CAT: variants seen among roughly 807,000 people sequenced by gnomAD.
CAT encodes the protein epididymis secretory sperm binding protein.
In CAT, 43 loss-of-function variants were observed where a neutral mutation model predicts 59.0. The ratio of observed to expected loss-of-function variants is 0.73; its 90% confidence interval spans 0.57 to 0.94. The LOEUF (loss-of-function observed/expected upper bound fraction) is 0.94, where lower values mean the gene tolerates loss of function less well. Ranked by LOEUF, CAT falls within the 40% of genes least tolerant of loss-of-function variation. CAT has a pLI of 0.00. For synonymous variants in CAT, 218 were observed against 230.9 expected, an observed-to-expected ratio of 0.94 and a Z score of 0.51; for missense variants, 664 against 682.9, an observed-to-expected ratio of 0.97 and a Z score of 0.31.
intron 1 of CAT, among the ~76,000 whole-genome samples, chr11:34,445,399 G>A (rs1175300276): frequency 3.4e-5 from 5 of 146,758 alleles, no homozygotes; most frequent in Admixed American, 1.4e-4. Context: ...AGGCTGAGAC[G>A]GGAGAATTGC....
At chr11:34,451,243 T>A in intron 3 of CAT, 145 bp downstream of exon 3, 1 of 712,746 alleles carries the variant, frequency 1.4e-6, no homozygotes, top group East Asian at 2.7e-5. Context: ...GAAGACATAT[T>A]TGGAGACACA....
intron 3 of CAT, 82 bp downstream of exon 3, chr11:34,451,180 A>T: frequency 2.3e-6 from 2 of 876,102 alleles, no homozygotes; most frequent in Non-Finnish European, 3.9e-6. Context: ...AGAAAAAGTT[A>T]TTAGAAAATA....
At chr11:34,466,034 G>T (rs1043013704) in intron 10 of CAT, among the ~76,000 whole-genome samples, 1 of 152,206 alleles carries the variant, frequency 6.6e-6, no homozygotes, top group Non-Finnish European at 1.5e-5. Context: ...AGTCTCATGA[G>T]TCTGAAGGGA....
intron 6 of CAT, among the ~76,000 whole-genome samples, chr11:34,454,504 AT>A: frequency 6.6e-6 from 1 of 152,198 alleles, no homozygotes; most frequent in Non-Finnish European, 1.5e-5. Context: ...CTGTTTCCAA[AT>A]ACTGCTGCTA....
intron 9 of CAT, among the ~76,000 whole-genome samples, chr11:34,462,068 A>G (rs1404940706): frequency 6.6e-6 from 1 of 152,202 alleles, no homozygotes; most frequent in Non-Finnish European, 1.5e-5. Flanking sequence ...TGTCGTATAC[A>G]AACAGCCTCT....
intron 1 of CAT, among the ~76,000 whole-genome samples, chr11:34,441,104 C>T (rs188128948): frequency 6.6e-6 from 1 of 152,322 alleles, no homozygotes; most frequent in East Asian, 1.9e-4. Flanking sequence ...TACTGTTCCT[C>T]AGTTTTAGCT....
At chr11:34,468,619 A>G in intron 11 of CAT, 1 of 595,558 alleles carries the variant, frequency 1.7e-6, no homozygotes, top group East Asian at 2.8e-5. Flanking sequence ...TCCAGTGTGT[A>G]CTAATTTAGT....
Position 34,439,073 on chromosome 11 carries a change from CG to C in CAT, c.61del (p.Ala21ArgfsTer7), listed in dbSNP as rs1856352709. 6.3e-7 allele frequency: 1 copy of C among 1,589,306 alleles called. No homozygotes were observed. The highest frequency in any genetic ancestry group is 1.3e-5 in the African/African-American group (1 of 74,424). On this transcript the variant is annotated frameshift_variant, in exon 1 of 13. Coordinates refer to ENST00000241052, the MANE Select transcript of CAT (RefSeq NM_001752.4). LOFTEE classifies it high-confidence loss of function. ...TGCAGCACTGGAAGGAGCAGCGGGC[CG>C]CGCAGGTACACTCTGTGCTCCCCGA... ...QMQHWKEQRA[A>X]QKADVLTTGA...
In CAT at chr11:34,451,107, G is replaced by C; in HGVS notation, c.349+9G>C. On this transcript the variant is annotated intron_variant, in intron 3 of 12. Coordinates refer to ENST00000241052, the MANE Select transcript of CAT (RefSeq NM_001752.4). ...TCGGTTCTCCACTGTTGGTAAGTTG[G>C]TTTATTGGCGTGATTGGTATGGCTT... 1 of 1,489,934 alleles carries C rather than the reference G, an allele frequency of 6.7e-7. No homozygotes were observed. The highest frequency in any genetic ancestry group is 1.1e-5 in the South Asian group (1 of 88,668). The allele number at this position is 1,489,934 out of a possible 1,614,324, so 92.3% of individuals were successfully genotyped here. A position where few individuals can be genotyped will look rare whatever the true frequency, so the allele number is the denominator to read the frequency against.
At chr11:34,456,955 C>A in intron 8 of CAT, 138 bp downstream of exon 8, 1 of 903,728 alleles carries the variant, frequency 1.1e-6, no homozygotes, top group Admixed American at 2.0e-5. Flanking sequence ...GCTTGGTTAC[C>A]TTGTGGGATT....
intron 6 of CAT, 51 bp downstream of exon 6, chr11:34,453,977 C>A (rs2133184183): frequency 6.3e-7 from 1 of 1,584,862 alleles, no homozygotes; most frequent in Non-Finnish European, 8.7e-7. Flanking sequence ...CGCATACCTC[C>A]TTATTTTTCC....
Position 34,453,854 on chromosome 11 carries a change from T to C in CAT, c.639T>C (p.Asn213=), listed in dbSNP as rs374654105. Residue 213 remains asparagine, a synonymous_variant, in exon 6 of 13, where the codon AAT becomes AAC. Transcript: ENST00000241052. ...RGIPDGHRHM[N]GYGSHTFKLV... ...TTCCAGATGGACATCGCCACATGAA[T>C]GGATATGGATCACATACTTTCAAGC... 4 of 1,613,242 alleles carry C rather than the reference T, an allele frequency of 2.5e-6. No homozygotes were observed. In the African/African-American group the frequency reaches 5.3e-5, roughly 22 times the overall value.
chr11:34,442,438 C>A (rs949558927), intron 1 of CAT, among the ~76,000 whole-genome samples: 26 of 152,134 alleles, frequency 1.7e-4, no homozygotes, highest in African/African-American at 6.3e-4. Context: ...CCTGTCTCTA[C>A]TAAAAATACA....
chr11:34,465,637 G>GT (rs1422845468), intron 10 of CAT, among the ~76,000 whole-genome samples: 2 of 152,088 alleles, frequency 1.3e-5, no homozygotes, highest in African/African-American at 4.8e-5. Flanking sequence ...ATATAGTGTG[G>GT]TTTTTAAGTA....
At position 34,449,157 on chromosome 11, in the gene CAT, T is replaced by C. The variant is rs1218057476; in HGVS notation, c.67-35T>C. 5 of 1,594,602 alleles carry C rather than the reference T, an allele frequency of 3.1e-6. No homozygotes were observed. The Middle Eastern group carries it at 5.1e-4, about 162-fold the overall frequency. On this transcript the variant is annotated intron_variant, in intron 1 of 12. Coordinates refer to ENST00000241052, the MANE Select transcript of CAT (RefSeq NM_001752.4). ...GTGTAAATGAAAGGTTTGATTGTGC[T>C]AACTCTCCTGCACTTTCTTTCTGTG... is the stretch of plus-strand genomic sequence containing the variant.
In CAT at chr11:34,456,113, G is replaced by A. The variant is rs377499914; in HGVS notation, c.814G>A (p.Gly272Arg). The change falls in exon 7 of 13, where the codon GGA becomes AGA. Residue 272 changes from glycine to arginine, a missense_variant. Coordinates refer to ENST00000241052, the MANE Select transcript of CAT (RefSeq NM_001752.4). ...GGATCTTTTTAACGCCATTGCCACA[G>A]GAAAGTACCCCTCCTGGACTTTTTA... is the stretch of plus-strand genomic sequence containing the variant. ...IRDLFNAIAT[G>R]KYPSWTFYIQ... is the part of the protein sequence containing the mutation. 6.2e-7 allele frequency: 1 copy of A among 1,613,900 alleles called. No homozygotes were observed. Among genetic ancestry groups the A allele is most frequent in the Non-Finnish European group, 8.5e-7 (1 of 1,179,980 alleles).
chr11:34,453,375 A>AATG (rs918559611), intron 5 of CAT, among the ~76,000 whole-genome samples, 181 bp downstream of exon 5: 101 of 152,140 alleles, frequency 6.6e-4, no homozygotes, highest in South Asian at 8.3e-4. Flanking sequence ...ATCGGCCTTA[A>AATG]ATGATGATGA....
At chr11:34,460,649 C>T (rs1050402625) in intron 8 of CAT, 10 of 160,786 alleles carry the variant, frequency 6.2e-5, no homozygotes, top group South Asian at 3.5e-4. Context: ...AGACAGGTCT[C>T]GCTGTGTTGC....
chr11:34,466,654 G>A (rs1343157752), intron 10 of CAT, among the ~76,000 whole-genome samples: 3 of 151,428 alleles, frequency 2.0e-5, no homozygotes, highest in African/African-American at 7.3e-5. Flanking sequence ...GGTGGCGGGC[G>A]CCTGTAGTCC....
Sources: allele counts gnomAD v4.1 joint callset (sites outside exome capture counted in the v4.1 genomes callset), GRCh38; gene constraint gnomAD v4.1.1; transcripts MANE v1.5; gene names NCBI Gene and HGNC (gene_info 2026-07-23, HGNC 2026-07-21).